The following ARL15 variants were observed in gnomAD, a reference collection of about 807,000 sequenced individuals.
The protein encoded by ARL15 is ARF like GTPase 15, also known as ADP-ribosylation factor-like protein 15.
Under a neutral mutation model 25.2 loss-of-function variants are expected in ARL15, and 19 were observed. The ratio of observed to expected loss-of-function variants is 0.75; its 90% CI spans 0.53 to 1.10. ARL15 has a LOEUF of 1.10. Ranked by LOEUF, ARL15 falls within the 50% of genes least tolerant of loss-of-function variation. ARL15 has a pLI of 0.00. For missense variants in ARL15, 220 were observed against 246.0 expected (o/e 0.89, Z 0.71); for synonymous variants, 94 against 86.8 (o/e 1.08, Z -0.46).
At chr5:54,029,264 C>T (rs371302059) in intron 4 of ARL15, among the ~76,000 whole-genome samples, 1 of 151,646 alleles carries the variant, frequency 6.6e-6, no homozygotes, top group East Asian at 1.9e-4. Flanking sequence ...TTGTTAAATG[C>T]CTCTCACAAT....
At chr5:53,969,368 C>T (rs184316343) in intron 4 of ARL15, among the ~76,000 whole-genome samples, 2 of 152,266 alleles carry the variant, frequency 1.3e-5, no homozygotes, top group East Asian at 3.9e-4. Context: ...TTTTTGGTAA[C>T]TATTCATGGC....
chr5:54,300,991 G>A (rs761504402), intron 1 of ARL15, among the ~76,000 whole-genome samples: 13 of 152,168 alleles, frequency 8.5e-5, no homozygotes, highest in South Asian at 2.1e-4. Context: ...CCAAATTTCC[G>A]CACAGCTATT....
intron 3 of ARL15, among the ~76,000 whole-genome samples, chr5:54,153,378 T>C (rs1448383607): frequency 6.6e-6 from 1 of 152,168 alleles, no homozygotes; most frequent in Non-Finnish European, 1.5e-5. Flanking sequence ...TGAGCAACCA[T>C]TGTATTTAAG....
rs75822586 is a variant in ARL15, at chr5:54,086,273, A to T, written c.462+26929T>A. 9.5e-4 allele frequency among the ~76,000 whole-genome samples: 144 copies of T among 152,234 alleles called. 3 individuals carry two copies. In the East Asian group the frequency reaches 0.023, roughly 25 times the overall value. On this transcript the variant is annotated intron_variant, in intron 4 of 4. Transcript: ENST00000504924. ...CTAATCTGGGACAGGTCCAATGAATATTTCCACAGTTTATCACTTTGGAAG... is the reference window on the plus strand; with the variant it reads ...CTAATCTGGGACAGGTCCAATGAATTTTTCCACAGTTTATCACTTTGGAAG...
At chr5:54,050,511 A>T (rs1237907072) in intron 4 of ARL15, among the ~76,000 whole-genome samples, 1 of 152,126 alleles carries the variant, frequency 6.6e-6, no homozygotes, top group East Asian at 1.9e-4. Context: ...ACTTGACTTG[A>T]ATGTTTGACT....
At chr5:53,931,173 A>G (rs1746185277) in intron 4 of ARL15, among the ~76,000 whole-genome samples, 1 of 152,198 alleles carries the variant, frequency 6.6e-6, no homozygotes, top group South Asian at 2.1e-4. Flanking sequence ...AACAGCATAT[A>G]TATTATTATG....
chr5:53,992,493 T>A (rs1420617255), intron 4 of ARL15, among the ~76,000 whole-genome samples: 1 of 152,370 alleles, frequency 6.6e-6, no homozygotes, highest in Middle Eastern at 3.4e-3. Flanking sequence ...AATACTTTTA[T>A]GGCAGTACCT....
chr5:53,931,443 G>A (rs561873800), intron 4 of ARL15, among the ~76,000 whole-genome samples: 4 of 152,304 alleles, frequency 2.6e-5, no homozygotes, highest in Admixed American at 1.3e-4. Flanking sequence ...TAGATGGTGT[G>A]CCTGATGCAG....
At chr5:54,302,624 T>C (rs1758642506) in intron 1 of ARL15, among the ~76,000 whole-genome samples, 1 of 151,490 alleles carries the variant, frequency 6.6e-6, no homozygotes, top group Non-Finnish European at 1.5e-5. Flanking sequence ...TGAACTGGCC[T>C]TATAAATTGT....
chr5:53,944,384 G>A (rs866084114), intron 4 of ARL15, among the ~76,000 whole-genome samples: 7 of 152,126 alleles, frequency 4.6e-5, no homozygotes, highest in African/African-American at 1.7e-4. Flanking sequence ...GCCGAGGCAG[G>A]AGGATCGTTT....
At chr5:54,044,582 A>T (rs928250180) in intron 4 of ARL15, among the ~76,000 whole-genome samples, 4 of 152,182 alleles carry the variant, frequency 2.6e-5, no homozygotes, top group Non-Finnish European at 5.9e-5. Context: ...TTTGAATTTA[A>T]AAAAAGGTAA....
At chr5:53,936,324 C>T (rs1452406691) in intron 4 of ARL15, among the ~76,000 whole-genome samples, 1 of 152,198 alleles carries the variant, frequency 6.6e-6, no homozygotes, top group Non-Finnish European at 1.5e-5. Context: ...GCCCGCCTCA[C>T]AGTTTAGCAA....
At chr5:54,062,364 G>A (rs922574783) in intron 4 of ARL15, among the ~76,000 whole-genome samples, 28 of 152,054 alleles carry the variant, frequency 1.8e-4, no homozygotes, top group East Asian at 3.9e-4. Flanking sequence ...GCGGCAGAAC[G>A]ATATGGTTTG....
At chr5:54,064,175 C>T (rs1362477941) in intron 4 of ARL15, among the ~76,000 whole-genome samples, 1 of 151,940 alleles carries the variant, frequency 6.6e-6, no homozygotes, top group Non-Finnish European at 1.5e-5. Context: ...CTCTGTTTCC[C>T]CTTCTCCAGC....
At chr5:54,218,985 G>GT (rs61665897) in intron 1 of ARL15, among the ~76,000 whole-genome samples, 273 of 146,994 alleles carry the variant, frequency 1.9e-3, no homozygotes, top group East Asian at 0.012. Context: ...TGCTACTGCT[G>GT]TTTTTTTTTT....
chr5:54,221,626 A>G (rs183432872), intron 1 of ARL15, among the ~76,000 whole-genome samples: 29 of 152,092 alleles, frequency 1.9e-4, no homozygotes, highest in South Asian at 6.2e-4. Flanking sequence ...ACAAGCGCTA[A>G]TAAGAGTCCA....
intron 4 of ARL15, among the ~76,000 whole-genome samples, chr5:53,897,007 C>T (rs1185638463): frequency 1.3e-5 from 2 of 152,214 alleles, no homozygotes; most frequent in African/African-American, 4.8e-5. Context: ...ATTTCTTCCA[C>T]TGCTTGGTTG....
intron 1 of ARL15, among the ~76,000 whole-genome samples, chr5:54,212,865 A>G (rs981713): frequency 0.29 from 43,968 of 152,010 alleles, 7,060 homozygotes; most frequent in African/African-American, 0.41. Context: ...AAATCTGAAT[A>G]GCAGTCCTGC....
chr5:54,004,754 C>T (rs537764176), intron 4 of ARL15, among the ~76,000 whole-genome samples: 1 of 151,812 alleles, frequency 6.6e-6, no homozygotes, highest in East Asian at 1.9e-4. Context: ...GGGGTACGAG[C>T]ATCTGCGATT....
Sources: allele counts gnomAD v4.1 joint callset (sites outside exome capture counted in the v4.1 genomes callset), GRCh38; gene constraint gnomAD v4.1.1; transcripts MANE v1.5; gene names NCBI Gene and HGNC (gene_info 2026-07-23, HGNC 2026-07-21).